The following COG6 variants were observed in gnomAD, a reference collection of about 807,000 sequenced individuals.
COG6 encodes the protein conserved oligomeric Golgi complex subunit 6.
A neutral mutation model predicts 88.8 loss-of-function variants in COG6; 74 were observed. The ratio of observed to expected loss-of-function variants is 0.83; its 90% CI spans 0.69 to 1.01. COG6 has a LOEUF of 1.01. Ranked by LOEUF, COG6 falls within the 50% of genes least tolerant of loss-of-function variation. The probability of loss-of-function intolerance (pLI) is 0.00; values close to 1 mark genes in which losing one functional copy is unlikely to be tolerated. For synonymous variants in COG6, 286 were observed against 278.7 expected (o/e 1.03, Z -0.26); for missense variants, 800 against 797.9 (o/e 1.00, Z -0.03).
At chr13:39,743,385 G>T (rs1274857891) in intron 18 of COG6, among the ~76,000 whole-genome samples, 3 of 151,626 alleles carry the variant, frequency 2.0e-5, no homozygotes, top group African/African-American at 7.3e-5. Context: ...AAAGAGAGAA[G>T]AATCAAATAG....
chr13:39,751,062 C>A lies in COG6; in HGVS notation c.1943C>A (p.Ser648Ter), dbSNP rs527748425. The A allele has an allele frequency of 4.3e-6, 7 of 1,613,668 alleles. No individual in the cohort carries two copies. In the African/African-American group the frequency reaches 5.3e-5, roughly 12 times the overall value. The change falls in exon 19 of 19, where the codon TCG becomes TAG. Residue 648 changes from serine to a stop codon, truncating the protein, a stop_gained. Coordinates refer to ENST00000455146, the MANE Select transcript of COG6 (RefSeq NM_020751.3). LOFTEE classifies it high-confidence loss of function. ...YKDPENILHR[S>*]PQQVQTLLS Reference sequence around the variant, plus strand: ...GATCCAGAGAACATTCTTCACCGATCGCCGCAGCAAGTGCAGACGCTTCTT... The same window carrying A: ...GATCCAGAGAACATTCTTCACCGATAGCCGCAGCAAGTGCAGACGCTTCTT...
At chr13:39,764,300 T>C (rs1261368523) in intron 18 of COG6, among the ~76,000 whole-genome samples, 1 of 150,172 alleles carries the variant, frequency 6.7e-6, no homozygotes, top group East Asian at 2.0e-4. Flanking sequence ...ATTTATCCTT[T>C]CAAAGAACCT....
intron 15 of COG6, 22 bp downstream of exon 15, chr13:39,719,849 CTA>C (rs1566194632): frequency 6.3e-7 from 1 of 1,575,198 alleles, no homozygotes. Flanking sequence ...TATAAAATGA[CTA>C]TTGACTATGA....
At chr13:39,745,992 C>T (rs1163697123) in intron 18 of COG6, among the ~76,000 whole-genome samples, 1 of 152,012 alleles carries the variant, frequency 6.6e-6, no homozygotes, top group African/African-American at 2.4e-5. Context: ...GACAGAAAAC[C>T]AAACACCACG....
chr13:39,769,287 G>C (rs1326709516), intron 18 of COG6, among the ~76,000 whole-genome samples: 1 of 152,192 alleles, frequency 6.6e-6, no homozygotes, highest in African/African-American at 2.4e-5. Context: ...GATTATAAGA[G>C]AGTGCCAAAT....
chr13:39,755,686 G>A (rs1880812489), downstream of COG6, among the ~76,000 whole-genome samples: 1 of 138,904 alleles, frequency 7.2e-6, no homozygotes, highest in African/African-American at 2.6e-5. Flanking sequence ...CTGACCTTGA[G>A]GATCTGAGCA....
chr13:39,665,684 T>A (rs998687632), intron 4 of COG6, among the ~76,000 whole-genome samples: 5 of 152,116 alleles, frequency 3.3e-5, no homozygotes, highest in Non-Finnish European at 7.3e-5. Flanking sequence ...GCAATTATGC[T>A]AAAACTCATT....
At chr13:39,725,215 A>G (rs533575439) in intron 17 of COG6, among the ~76,000 whole-genome samples, 1 of 151,988 alleles carries the variant, frequency 6.6e-6, no homozygotes, top group East Asian at 1.9e-4. Context: ...TGATAGTACT[A>G]CTAGTAATAG....
At chr13:39,667,419 A>G (rs970711967) in intron 4 of COG6, among the ~76,000 whole-genome samples, 1 of 152,162 alleles carries the variant, frequency 6.6e-6, no homozygotes, top group Non-Finnish European at 1.5e-5. Context: ...TAGAATTGCA[A>G]ATTGCCTGGA....
chr13:39,676,176 C>T (rs1875955533), intron 4 of COG6, among the ~76,000 whole-genome samples: 1 of 152,114 alleles, frequency 6.6e-6, no homozygotes, highest in Non-Finnish European at 1.5e-5. Context: ...CTTCCTGTCC[C>T]CTTCTCCCCA....
At position 39,689,807 on chromosome 13, in the gene COG6, G is replaced by A. The variant is rs148286424; in HGVS notation, c.1057G>A (p.Val353Met). The A allele has an allele frequency of 6.2e-7, 1 of 1,609,666 alleles. No homozygotes were observed. The highest frequency in any genetic ancestry group is 1.3e-5 in the African/African-American group (1 of 74,826). The change falls in exon 11 of 19, where the codon GTG (valine) becomes ATG (methionine). Residue 353 changes from valine to methionine, a missense_variant. Physicochemically the swap from Val to Met is conservative, Grantham distance 21. Coordinates refer to ENST00000455146, the MANE Select transcript of COG6 (RefSeq NM_020751.3). ...AGTTGTTGGGCATATCACTGAAGGTGTGTGCAGGCCTCTAAAGGTAAAATA... is the reference window on the plus strand; with the variant it reads ...AGTTGTTGGGCATATCACTGAAGGTATGTGCAGGCCTCTAAAGGTAAAATA... The part of the protein sequence containing the change: ...QEVVGHITEG[V>M]CRPLKVRIEQ...
downstream of COG6, chr13:39,752,633 G>C (rs1453755773): frequency 1.6e-6 from 2 of 1,255,882 alleles, no homozygotes; most frequent in Non-Finnish European, 2.1e-6. Flanking sequence ...AATATTTCTA[G>C]AGCAGCAATT....
chr13:39,698,528 A>G (rs549999687), intron 12 of COG6, among the ~76,000 whole-genome samples: 1 of 151,972 alleles, frequency 6.6e-6, no homozygotes, highest in Admixed American at 6.6e-5. Context: ...TACCTAATTT[A>G]TTTTGGTTTC....
intron 18 of COG6, among the ~76,000 whole-genome samples, chr13:39,758,218 CAAAAA>C (rs34210362): frequency 1.8e-5 from 1 of 55,808 alleles, no homozygotes; most frequent in African/African-American, 7.0e-5. Context: ...GATGCCTTCT[CAAAAA>C]AAAAAAAAAA....
chr13:39,659,276 T>G (rs985899875), intron 1 of COG6, 88 bp from the exon 2 acceptor site: 48 of 1,266,226 alleles, frequency 3.8e-5, no homozygotes, highest in Non-Finnish European at 5.2e-5. Context: ...ATAAATCATT[T>G]GAAAATGATT....
At chr13:39,759,300 GT>G (rs1328711313) in intron 18 of COG6, among the ~76,000 whole-genome samples, 31 of 152,244 alleles carry the variant, frequency 2.0e-4, no homozygotes, top group Admixed American at 1.8e-3. Flanking sequence ...GATCTTTTGT[GT>G]TTTTGTGATC....
Position 39,660,836 on chromosome 13 carries a change from T to G in COG6, c.324T>G (p.Val108=), listed in dbSNP as rs1874850919. 6.2e-7 allele frequency: 1 copy of G among 1,610,722 alleles called. No homozygotes were observed. The highest frequency in any genetic ancestry group is 8.5e-7 in the Non-Finnish European group (1 of 1,177,514). The change falls in exon 3 of 19, where the codon GTT becomes GTG. Residue 108 remains valine (V), a synonymous_variant. Transcript: ENST00000455146. ...AACTTGAAAGCATAAGCGAAGATGT[T>G]CAAGCAATGAGCAACTGTTGTCAAG... ...KEELESISED[V]QAMSNCCQDM...
chr13:39,751,618 A>G lies in COG6; in HGVS notation c.*525A>G. 2 of 1,287,190 alleles carry G rather than the reference A, an allele frequency of 1.6e-6. No individual in the cohort carries two copies. The highest frequency in any genetic ancestry group is 2.0e-6 in the Non-Finnish European group (2 of 988,680). The allele number at this position is 1,287,190 out of a possible 1,614,324, so 79.7% of individuals were successfully genotyped here. A position where few individuals can be genotyped will look rare whatever the true frequency, so the allele number is the denominator to read the frequency against. On this transcript the variant is annotated 3_prime_UTR_variant, in exon 19 of 19. Coordinates refer to ENST00000455146, the MANE Select transcript of COG6 (RefSeq NM_020751.3). The stretch of plus-strand genomic sequence containing the variant: ...TAAAGAGTTGTTAGCAGAGAGAAAA[A>G]TAACAGTGAATGTGCTCCTGGTGTA...
At chr13:39,783,199 A>G (rs1294806641) in intron 18 of COG6, among the ~76,000 whole-genome samples, 1 of 152,206 alleles carries the variant, frequency 6.6e-6, no homozygotes, top group Non-Finnish European at 1.5e-5. Context: ...AATAACAAAT[A>G]ATAATTCATT....
Sources: gnomAD v4.1 joint callset for allele counts (sites outside exome capture counted in the v4.1 genomes callset) on GRCh38, gnomAD v4.1.1 for gene constraint, MANE v1.5 for transcripts, NCBI Gene and HGNC (gene_info 2026-07-23, HGNC 2026-07-21) for gene names.